SPAG17: variants seen among roughly 807,000 people sequenced by gnomAD.
SPAG17 encodes sperm associated antigen 17, also known as sperm-associated antigen 17.
A neutral mutation model predicts 273.6 loss-of-function variants in SPAG17; 169 were observed. The ratio of observed to expected loss-of-function variants is 0.62; its 90% CI spans 0.55 to 0.70. The LOEUF is 0.70. SPAG17 is among the 30% of genes least tolerant of loss of function. The probability of loss-of-function intolerance (pLI) is 0.00; values close to 1 mark genes in which losing one functional copy is unlikely to be tolerated. For synonymous variants in SPAG17, 825 were observed against 873.2 expected, an observed-to-expected ratio of 0.94 and a Z score of 0.97; for missense variants, 2,557 against 2,627.8, an observed-to-expected ratio of 0.97 and a Z score of 0.59.
At chr1:117,959,102 A>T in intron 48 of SPAG17, 1 of 1,314,790 alleles carries the variant, frequency 7.6e-7, no homozygotes, top group Non-Finnish European at 1.1e-6. Flanking sequence ...AATACCCACC[A>T]CCGATAAATC....
At chr1:118,071,837 C>T (rs1653621238) in intron 17 of SPAG17, among the ~76,000 whole-genome samples, 1 of 151,912 alleles carries the variant, frequency 6.6e-6, no homozygotes, top group South Asian at 2.1e-4. Flanking sequence ...TTCAGTCTAG[C>T]AGGTCCAACA....
At chr1:117,966,512 A>C (rs1277837084) in intron 47 of SPAG17, 97 bp downstream of exon 47, 6 of 1,159,454 alleles carry the variant, frequency 5.2e-6, no homozygotes, top group Non-Finnish European at 7.1e-6. Context: ...TGAAGATAGA[A>C]TTAATAAAGT....
chr1:118,018,326 T>G (rs1222226367), intron 28 of SPAG17, among the ~76,000 whole-genome samples: 1 of 152,188 alleles, frequency 6.6e-6, no homozygotes, highest in Non-Finnish European at 1.5e-5. Context: ...AGCTTGCCTG[T>G]GTTCAAACTT....
In SPAG17 at chr1:117,971,892, C is replaced by T. The variant is rs1380381875; in HGVS notation, c.6297G>A (p.Lys2099=). Residue 2099 remains lysine, a synonymous_variant, in exon 45 of 49, where the codon AAG becomes AAA. Transcript: ENST00000336338. ...AGAAGTCCACTCCAACATTCTTGAG[C>T]TTTACAACTGTGGCATAGGTATGTC... ...KEGHTYATVV[K]LKNVGVDFCR... is the part of the protein sequence containing the mutation. 3.1e-6 allele frequency: 5 copies of T among 1,613,732 alleles called. No individual in the cohort carries two copies. In the African/African-American group the frequency reaches 5.3e-5, roughly 17 times the overall value.
rs1320321902 is a variant in SPAG17, at chr1:118,005,547, T to C, written c.4643A>G (p.Tyr1548Cys). The change falls in exon 32 of 49, where the codon TAC (tyrosine) becomes TGC (cysteine). Residue 1548 changes from tyrosine (Y) to cysteine (C), a missense_variant. Tyr to Cys is a radical substitution (Grantham distance 194). Transcript: ENST00000336338. ...TATATTACTGCTTGACTCATGGCAGTACACAGCTGAACAATCCTTGTCAAT... is the reference window on the plus strand; with the variant it reads ...TATATTACTGCTTGACTCATGGCAGCACACAGCTGAACAATCCTTGTCAAT... ...LYIDKDCSAV[Y>C]CHESSSNIYY... 1 of 1,604,640 alleles carries C rather than the reference T, an allele frequency of 6.2e-7. No homozygotes were observed. The highest frequency in any genetic ancestry group is 2.2e-5 in the East Asian group (1 of 44,512).
At chr1:118,103,828 C>A (rs1656219885) in intron 4 of SPAG17, among the ~76,000 whole-genome samples, 2 of 56,270 alleles carry the variant, frequency 3.6e-5, no homozygotes, top group African/African-American at 1.2e-4. Context: ...ACATGAGAAG[C>A]AGGGAAAATG....
chr1:118,115,661 C>A (rs1399416862), intron 3 of SPAG17, among the ~76,000 whole-genome samples: 1 of 152,120 alleles, frequency 6.6e-6, no homozygotes, highest in African/African-American at 2.4e-5. Context: ...TGAATATCGA[C>A]TTCTTTTTCC....
intron 48 of SPAG17, among the ~76,000 whole-genome samples, chr1:117,957,962 A>G (rs1413167637): frequency 6.6e-6 from 1 of 152,248 alleles, no homozygotes; most frequent in Non-Finnish European, 1.5e-5. Context: ...TCATTAGGCT[A>G]TATTCTTACT....
chr1:118,130,478 G>C (rs1363151670), intron 3 of SPAG17, among the ~76,000 whole-genome samples: 7 of 152,190 alleles, frequency 4.6e-5, no homozygotes, highest in Non-Finnish European at 2.9e-5. Flanking sequence ...TCCAGGGATT[G>C]AACTTTCAGT....
rs1248523348 is a variant in SPAG17 at position 117,963,840 on chromosome 1, T to C, written c.6631A>G (p.Thr2211Ala). The change falls in exon 48 of 49, where the codon ACA (threonine) becomes GCA (alanine). Residue 2211 changes from threonine to alanine, a missense_variant. Physicochemically the swap from Thr to Ala is moderately conservative, Grantham distance 58. Transcript: ENST00000336338. ...TTACGAGACATGAAGACTCCAAGTG[T>C]GGAGGAATAAATTGTAGAAGTTCTC... Reference protein sequence around the residue: ...VQRTSTIYSSTLGVFMSRKVS... With the variant: ...VQRTSTIYSSALGVFMSRKVS... 1 of 1,613,852 alleles carries C rather than the reference T, an allele frequency of 6.2e-7. No homozygotes were observed. Among genetic ancestry groups the C allele is most frequent in the Non-Finnish European group, 8.5e-7 (1 of 1,179,788 alleles).
chr1:118,099,566 A>C, intron 6 of SPAG17, 40 bp downstream of exon 6: 1 of 1,537,184 alleles, frequency 6.5e-7, no homozygotes, highest in South Asian at 1.1e-5. Flanking sequence ...ACAGTGGGTA[A>C]TATTGAAGGA....
intron 48 of SPAG17, chr1:117,959,553 A>G (rs1652751783): frequency 3.3e-6 from 4 of 1,214,196 alleles, no homozygotes; most frequent in Non-Finnish European, 3.3e-6. Context: ...ATAACAGAAG[A>G]TCGCATTGCA....
intron 4 of SPAG17, among the ~76,000 whole-genome samples, chr1:118,111,200 A>C (rs1656735095): frequency 6.6e-6 from 1 of 152,130 alleles, no homozygotes; most frequent in East Asian, 1.9e-4. Flanking sequence ...GTCTGTAAAA[A>C]GTTTTCATTA....
intron 1 of SPAG17, among the ~76,000 whole-genome samples, chr1:118,161,554 T>G (rs1227143177): frequency 6.6e-6 from 1 of 152,212 alleles, no homozygotes; most frequent in African/African-American, 2.4e-5. Flanking sequence ...TCTTCTTTTT[T>G]TTAGACGTAG....
intron 38 of SPAG17, among the ~76,000 whole-genome samples, chr1:117,989,083 G>A (rs1656766543): frequency 6.6e-6 from 1 of 152,144 alleles, no homozygotes; most frequent in Admixed American, 6.5e-5. Flanking sequence ...ACAGGGTAGC[G>A]TTGCCAGATA....
chr1:118,044,100 T>C (rs907532885), intron 20 of SPAG17, among the ~76,000 whole-genome samples: 2 of 152,206 alleles, frequency 1.3e-5, no homozygotes, highest in African/African-American at 2.4e-5. Flanking sequence ...TTTTGTACTA[T>C]ATATACTGTG....
chr1:117,983,173 G>C (rs894907114), intron 42 of SPAG17, among the ~76,000 whole-genome samples: 1 of 152,210 alleles, frequency 6.6e-6, no homozygotes, highest in Admixed American at 6.5e-5. Context: ...GGAAAATAGA[G>C]AGCGAGCTTG....
chr1:118,134,069 C>G (rs972244631), intron 3 of SPAG17, among the ~76,000 whole-genome samples: 11 of 152,198 alleles, frequency 7.2e-5, no homozygotes, highest in Non-Finnish European at 1.5e-4. Flanking sequence ...TAAATTCATA[C>G]AAATTGTCTT....
intron 1 of SPAG17, 121 bp from the exon 2 acceptor site, chr1:118,151,490 C>A (rs2102350645): frequency 1.0e-6 from 1 of 971,400 alleles, no homozygotes; most frequent in Non-Finnish European, 1.4e-6. Context: ...ACAGAGGTGA[C>A]CTTGTAATGT....
Sources: gnomAD v4.1 joint callset for allele counts (sites outside exome capture counted in the v4.1 genomes callset) on GRCh38, gnomAD v4.1.1 for gene constraint, MANE v1.5 for transcripts, NCBI Gene and HGNC (gene_info 2026-07-23, HGNC 2026-07-21) for gene names.